The following DCAF12 variants were observed in gnomAD, a reference collection of about 807,000 sequenced individuals.
DCAF12 encodes DDB1- and CUL4-associated factor 12.
DCAF12 carries 28 observed loss-of-function variants against 52.8 expected under a neutral mutation model. The ratio of observed to expected loss-of-function variants is 0.53; its 90% CI spans 0.39 to 0.73. The LOEUF (loss-of-function observed/expected upper bound fraction) is 0.73. DCAF12 is among the 30% of genes least tolerant of loss of function. The pLI is 0.00. For missense variants in DCAF12, 425 were observed against 552.2 expected, an observed-to-expected ratio of 0.77 and a Z score of 2.31; for synonymous variants, 196 against 215.5, an observed-to-expected ratio of 0.91 and a Z score of 0.79.
intron 1 of DCAF12, chr9:34,125,498 G>A (rs1829234695): frequency 1.6e-6 from 1 of 629,490 alleles, no homozygotes; most frequent in Non-Finnish European, 2.9e-6. Context: ...GAATTACAAG[G>A]GCTGAAAGTC....
At chr9:34,122,467 G>T (rs1203612006) in intron 2 of DCAF12, among the ~76,000 whole-genome samples, 3 of 147,772 alleles carry the variant, frequency 2.0e-5, no homozygotes, top group African/African-American at 2.5e-5. Context: ...CAAGACATTA[G>T]TATCAATTTT....
At chr9:34,088,547 C>G in intron 8 of DCAF12, 39 bp from the exon 9 acceptor site, 1 of 1,612,316 alleles carries the variant, frequency 6.2e-7, no homozygotes, top group South Asian at 1.1e-5. Flanking sequence ...GCACCTCTAG[C>G]CATGGGGCAG....
At chr9:34,103,277 C>T (rs964869105) in intron 4 of DCAF12, among the ~76,000 whole-genome samples, 5 of 151,496 alleles carry the variant, frequency 3.3e-5, no homozygotes, top group Non-Finnish European at 5.9e-5. Flanking sequence ...CGTGGTGGCA[C>T]GCGCCTGTAG....
Position 34,126,665 on chromosome 9 carries a change from G to A in DCAF12, c.-234C>T, listed in dbSNP as rs998016156. On this transcript the variant is annotated 5_prime_UTR_variant, in exon 1 of 9. Transcript: ENST00000361264. Reference sequence around the variant, plus strand: ...AAGCGAGAATGAGCGGCTTTCCGACGGCAGAGCCTGCAAGGACGGCGAGCG... The same window carrying A: ...AAGCGAGAATGAGCGGCTTTCCGACAGCAGAGCCTGCAAGGACGGCGAGCG... The A allele has an allele frequency of 1.7e-6, 1 of 575,534 alleles. No homozygotes were observed. Among genetic ancestry groups the A allele is most frequent in the Non-Finnish European group, 3.0e-6 (1 of 329,684 alleles). 35.7% of individuals were successfully genotyped at this position (575,534 alleles called of 1,614,324 possible).
At chr9:34,098,541 T>G in intron 4 of DCAF12, 24 bp from the exon 5 acceptor site, 1 of 1,603,920 alleles carries the variant, frequency 6.2e-7, no homozygotes, top group Non-Finnish European at 8.5e-7. Flanking sequence ...AGAACACAGA[T>G]GTCAGATGTA....
chr9:34,090,546 T>G (rs984237793), intron 7 of DCAF12, among the ~76,000 whole-genome samples: 2 of 152,190 alleles, frequency 1.3e-5, no homozygotes, highest in Non-Finnish European at 2.9e-5. Context: ...ACATAAGAAC[T>G]GGATAATATT....
chr9:34,126,457 C>A lies in DCAF12; in HGVS notation c.-26G>T. ...AGTGGGCAGCGCCGCCGCGGCCCCGCAGCCACATGGGGCGGGGGAAGCGAA... is the reference window on the plus strand; with the variant it reads ...AGTGGGCAGCGCCGCCGCGGCCCCGAAGCCACATGGGGCGGGGGAAGCGAA... On this transcript the variant is annotated 5_prime_UTR_variant, in exon 1 of 9. Coordinates refer to ENST00000361264, the MANE Select transcript of DCAF12 (RefSeq NM_015397.4). 1 of 1,599,132 alleles carries A rather than the reference C, an allele frequency of 6.3e-7. No individual in the cohort carries two copies. Among genetic ancestry groups the A allele is most frequent in the Non-Finnish European group, 8.5e-7 (1 of 1,177,850 alleles).
intron 4 of DCAF12, among the ~76,000 whole-genome samples, chr9:34,103,235 G>C (rs1006417223): frequency 2.0e-5 from 3 of 149,922 alleles, no homozygotes; most frequent in African/African-American, 7.4e-5. Flanking sequence ...CATGTTGTAA[G>C]CCATCTCTAC....
At chr9:34,119,071 C>T (rs552748397) in intron 2 of DCAF12, among the ~76,000 whole-genome samples, 3 of 152,214 alleles carry the variant, frequency 2.0e-5, no homozygotes, top group Admixed American at 6.6e-5. Context: ...TGTGTATTTG[C>T]CCATTGAGAA....
At chr9:34,105,449 A>G (rs1170545677) in intron 4 of DCAF12, among the ~76,000 whole-genome samples, 2 of 151,996 alleles carry the variant, frequency 1.3e-5, no homozygotes, top group Non-Finnish European at 2.9e-5. Flanking sequence ...AAAAGGTACT[A>G]AAAAAAGACT....
At chr9:34,115,684 C>T (rs1184534625) in intron 2 of DCAF12, among the ~76,000 whole-genome samples, 9 of 151,262 alleles carry the variant, frequency 5.9e-5, no homozygotes, top group East Asian at 5.8e-4. Flanking sequence ...GCTTGTAATA[C>T]CAATTTTAGG....
chr9:34,094,875 T>C (rs2131427330), intron 6 of DCAF12, among the ~76,000 whole-genome samples: 1 of 152,246 alleles, frequency 6.6e-6, no homozygotes, highest in South Asian at 2.1e-4. Context: ...ATCTTGGGGA[T>C]GGCACCCAAG....
rs920939287 is a variant in DCAF12, at chr9:34,121,038, C to T, written c.333+3985G>A. Among the ~76,000 whole-genome samples the T allele has an allele frequency of 1.2e-4, 19 of 152,086 alleles. 1 individual carries two copies. On this transcript the variant is annotated intron_variant, in intron 2 of 8. Coordinates refer to ENST00000361264, the MANE Select transcript of DCAF12 (RefSeq NM_015397.4). ...GCGTGGTGGCATGTGCCCGTACTCC[C>T]AGCCACTCGGGAGGCAGAGGTGAGA...
chr9:34,099,494 C>T (rs1235020126), intron 4 of DCAF12, among the ~76,000 whole-genome samples: 2 of 151,590 alleles, frequency 1.3e-5, no homozygotes, highest in African/African-American at 4.8e-5. Flanking sequence ...AGCCTCTCAA[C>T]GTTCTGGGAT....
chr9:34,110,761 G>T (rs1482024501), intron 2 of DCAF12, among the ~76,000 whole-genome samples: 1 of 151,208 alleles, frequency 6.6e-6, no homozygotes, highest in Non-Finnish European at 1.5e-5. Context: ...TCGCACCTGG[G>T]TGACAGAGCA....
chr9:34,124,223 A>C (rs932579997), intron 2 of DCAF12, among the ~76,000 whole-genome samples: 8 of 152,126 alleles, frequency 5.3e-5, no homozygotes, highest in African/African-American at 1.9e-4. Context: ...TTGTCCATTC[A>C]CACAGGGGAG....
At chr9:34,093,251 A>C in intron 7 of DCAF12, 35 bp downstream of exon 7, 1 of 1,612,798 alleles carries the variant, frequency 6.2e-7, no homozygotes, top group Non-Finnish European at 8.5e-7. Flanking sequence ...TATGCAGTGC[A>C]GCTGTAGGCC....
chr9:34,126,047 C>T (rs1473235675), intron 1 of DCAF12, among the ~76,000 whole-genome samples: 5 of 152,194 alleles, frequency 3.3e-5, no homozygotes, highest in African/African-American at 1.2e-4. Flanking sequence ...GTTTCCGATT[C>T]CCTTAACTTC....
chr9:34,125,368 T>A (rs1829233236), intron 1 of DCAF12, 91 bp from the exon 2 acceptor site: 3 of 1,409,532 alleles, frequency 2.1e-6, no homozygotes, highest in Admixed American at 4.2e-5. Flanking sequence ...TCATAACTCA[T>A]ACTGCAGAAT....
Sources: allele counts gnomAD v4.1 joint callset (sites outside exome capture counted in the v4.1 genomes callset), GRCh38; gene constraint gnomAD v4.1.1; transcripts MANE v1.5; gene names NCBI Gene and HGNC (gene_info 2026-07-23, HGNC 2026-07-21).